The following CCDC3 variants were observed in gnomAD, a reference collection of about 807,000 sequenced individuals.
CCDC3 encodes the protein coiled-coil domain containing 3.
CCDC3 carries 24 observed loss-of-function variants against 21.4 expected under a neutral mutation model. That is an observed-to-expected ratio of 1.12 (90% CI 0.81 to 1.58). The LOEUF (loss-of-function observed/expected upper bound fraction) is 1.58. Ranked by LOEUF, CCDC3 falls within the 40% of genes most tolerant of loss-of-function variation. The probability of loss-of-function intolerance (pLI) is 0.00; values close to 1 mark genes in which losing one functional copy is unlikely to be tolerated. For synonymous variants in CCDC3, 186 were observed against 166.0 expected (o/e 1.12, Z -0.93); for missense variants, 425 against 360.9 (o/e 1.18, Z -1.44).
rs189974374 is a variant in CCDC3, at chr10:13,015,008, G to A, written c.-1-16496C>T. 5.9e-4 allele frequency among the ~76,000 whole-genome samples: 90 copies of A among 152,108 alleles called. 1 individual carries two copies. The highest frequency in any genetic ancestry group is 2.1e-3 in the African/African-American group (87 of 41,508). ...AACAGGGAGTGATTTGTAAATTGTA[G>A]CACATTCATATATTTGAATATTTTA... On this transcript the variant is annotated intron_variant, in intron 5 of 6. Transcript: ENST00000378839.
At chr10:12,929,609 C>G (rs973198968) in intron 2 of CCDC3, among the ~76,000 whole-genome samples, 23 of 152,178 alleles carry the variant, frequency 1.5e-4, no homozygotes, top group Admixed American at 2.6e-4. Flanking sequence ...CTTTCTCACT[C>G]TCTACCACAT....
chr10:12,909,858 T>C (rs2131202598), intron 2 of CCDC3, among the ~76,000 whole-genome samples: 1 of 152,124 alleles, frequency 6.6e-6, no homozygotes, highest in Middle Eastern at 3.4e-3. Flanking sequence ...GGGTATTGGG[T>C]AATTAGGGGC....
At chr10:12,974,677 C>T (rs1488251606) in intron 2 of CCDC3, among the ~76,000 whole-genome samples, 25 of 152,188 alleles carry the variant, frequency 1.6e-4, no homozygotes. Flanking sequence ...CAGGAAGACC[C>T]AGGCTGGGCT....
chr10:13,089,669 T>A lies in CCDC3; in HGVS notation c.-503+8856A>T, dbSNP rs192730613. ...ATTCTCTAGAATTCAGCCATTTTTTTAAATTTAAATTTTAATTTTTTTATT... is the reference window on the plus strand; with the variant it reads ...ATTCTCTAGAATTCAGCCATTTTTTAAAATTTAAATTTTAATTTTTTTATT... On this transcript the variant is annotated intron_variant, in intron 3 of 6. Transcript: ENST00000378839. Among the ~76,000 whole-genome samples, 148 of 152,210 alleles carry A rather than the reference T, an allele frequency of 9.7e-4. 1 individual carries two copies. The highest frequency in any genetic ancestry group is 3.4e-3 in the Middle Eastern group (1 of 294).
At chr10:13,058,084 G>A (rs923741248) in intron 4 of CCDC3, 3 of 763,730 alleles carry the variant, frequency 3.9e-6, no homozygotes, top group African/African-American at 3.4e-5. Flanking sequence ...GGCCCCTGAT[G>A]TGCTTCTGGT....
intron 3 of CCDC3, among the ~76,000 whole-genome samples, chr10:13,096,324 C>T (rs1352632713): frequency 6.6e-6 from 1 of 152,086 alleles, no homozygotes; most frequent in Non-Finnish European, 1.5e-5. Flanking sequence ...GCTGAGATTA[C>T]AGGCACGCAC....
At chr10:12,970,343 C>A (rs1004630284) in intron 2 of CCDC3, among the ~76,000 whole-genome samples, 6 of 152,194 alleles carry the variant, frequency 3.9e-5, no homozygotes, top group African/African-American at 1.4e-4. Flanking sequence ...GTATTAAATG[C>A]ATTTTCAACT....
intron 2 of CCDC3, among the ~76,000 whole-genome samples, chr10:12,901,984 A>C (rs1420033849): frequency 6.6e-6 from 1 of 151,740 alleles, no homozygotes; most frequent in African/African-American, 2.4e-5. Flanking sequence ...GATGCTTTCC[A>C]CCGGGTCTCC....
At chr10:13,007,517 C>A (rs1320491908) in intron 5 of CCDC3, among the ~76,000 whole-genome samples, 1 of 152,160 alleles carries the variant, frequency 6.6e-6, no homozygotes, top group African/African-American at 2.4e-5. Context: ...CTTGCAATTT[C>A]TTTAGTGTCT....
At chr10:13,009,770 A>G (rs1395968045) in intron 5 of CCDC3, among the ~76,000 whole-genome samples, 1 of 152,230 alleles carries the variant, frequency 6.6e-6, no homozygotes, top group Non-Finnish European at 1.5e-5. Flanking sequence ...AACTCGAAAT[A>G]TAAAACCTAA....
At chr10:13,014,666 A>G (rs569064849) in intron 5 of CCDC3, among the ~76,000 whole-genome samples, 1 of 152,010 alleles carries the variant, frequency 6.6e-6, no homozygotes, top group Non-Finnish European at 1.5e-5. Context: ...AATACACACT[A>G]AAGTATTTGC....
chr10:13,065,754 T>C (rs1013919118), intron 4 of CCDC3, among the ~76,000 whole-genome samples: 2 of 152,220 alleles, frequency 1.3e-5, no homozygotes, highest in African/African-American at 4.8e-5. Flanking sequence ...TTGGCATGTA[T>C]GGACACATTC....
In CCDC3 at chr10:13,096,452, G is replaced by A. The variant is rs148436059; in HGVS notation, c.-503+2073C>T. On this transcript the variant is annotated intron_variant, in intron 3 of 6. Transcript: ENST00000378839. ...CTCCCAAAGTGCTGGGATTACAGGC[G>A]TGAGCCACCGCCCTGGGCCTCTTTA... is the stretch of plus-strand genomic sequence containing the variant. Among the ~76,000 whole-genome samples, 461 of 152,226 alleles carry A rather than the reference G, an allele frequency of 3.0e-3. 6 individuals carry two copies. The highest frequency in any genetic ancestry group is 0.011 in the African/African-American group (441 of 41,548).
chr10:13,053,672 G>C (rs569499123), intron 4 of CCDC3, among the ~76,000 whole-genome samples: 1 of 152,304 alleles, frequency 6.6e-6, no homozygotes, highest in South Asian at 2.1e-4. Flanking sequence ...ATGAACCTTG[G>C]AGGGCACATT....
At chr10:12,952,546 TC>T (rs1319100602) in intron 2 of CCDC3, among the ~76,000 whole-genome samples, 1 of 152,188 alleles carries the variant, frequency 6.6e-6, no homozygotes, top group Non-Finnish European at 1.5e-5. Flanking sequence ...TGATGTGTCT[TC>T]ACAGCCGAGT....
At chr10:13,075,473 T>A (rs1417064161) in intron 3 of CCDC3, among the ~76,000 whole-genome samples, 1 of 151,910 alleles carries the variant, frequency 6.6e-6, no homozygotes, top group African/African-American at 2.4e-5. Flanking sequence ...CGTCCCAGCC[T>A]GGGTAGGTGG....
chr10:12,992,137 C>T (rs1202923672), intron 2 of CCDC3, among the ~76,000 whole-genome samples: 2 of 151,738 alleles, frequency 1.3e-5, no homozygotes, highest in African/African-American at 2.4e-5. Flanking sequence ...CACCTATAAT[C>T]CCAGCATTTT....
chr10:13,090,530 A>G (rs1367489872), intron 3 of CCDC3, among the ~76,000 whole-genome samples: 1 of 152,166 alleles, frequency 6.6e-6, no homozygotes, highest in African/African-American at 2.4e-5. Context: ...CTTAATCTCT[A>G]TCCTGAGGTT....
chr10:12,967,895 G>A (rs1041338561), intron 2 of CCDC3, among the ~76,000 whole-genome samples: 1 of 152,176 alleles, frequency 6.6e-6, no homozygotes, highest in Non-Finnish European at 1.5e-5. Context: ...GACAGGTCGG[G>A]CATGGTGGCT....
Sources: allele counts gnomAD v4.1 joint callset (sites outside exome capture counted in the v4.1 genomes callset), GRCh38; gene constraint gnomAD v4.1.1; transcripts MANE v1.5; gene names NCBI Gene and HGNC (gene_info 2026-07-23, HGNC 2026-07-21).